The following ZNF615 variants were observed in gnomAD, a reference collection of about 807,000 sequenced individuals.
The protein encoded by ZNF615 is zinc finger protein 615.
ZNF615 carries 15 observed loss-of-function variants against 15.3 expected under a neutral mutation model. The observed-to-expected ratio is 0.98, with a 90% CI of 0.66 to 1.51. The LOEUF (loss-of-function observed/expected upper bound fraction) is 1.51. Ranked by LOEUF, ZNF615 falls within the 40% of genes most tolerant of loss-of-function variation. The pLI, the probability that ZNF615 is intolerant of heterozygous loss-of-function variation, is 0.00. For missense variants in ZNF615, 848 were observed against 895.9 expected (o/e 0.95, Z 0.68); for synonymous variants, 268 against 294.6 (o/e 0.91, Z 0.92).
chr19:51,994,199 A>G lies in ZNF615; in HGVS notation c.910T>C (p.Cys304Arg). ...CACTTCTTGATGAAGGCTTTCCCACATTGGCTACATGTGTAAGGTTTCCCT... is the reference window on the plus strand; with the variant it reads ...CACTTCTTGATGAAGGCTTTCCCACGTTGGCTACATGTGTAAGGTTTCCCT... ...MGGKPYTCSQ[C>R]GKAFIKKCRL... The change falls in exon 7 of 7, where the codon TGT (cysteine) becomes CGT (arginine). Residue 304 changes from cysteine to arginine, a missense_variant. Coordinates refer to ENST00000598071, the MANE Select transcript of ZNF615 (RefSeq NM_001199324.2). 1.2e-6 allele frequency: 2 copies of G among 1,614,002 alleles called. No homozygotes were observed. The highest frequency in any genetic ancestry group is 1.7e-6 in the Non-Finnish European group (2 of 1,180,028).
At chr19:52,005,798 G>C (rs2086736710) in intron 2 of ZNF615, among the ~76,000 whole-genome samples, 2 of 152,176 alleles carry the variant, frequency 1.3e-5, no homozygotes, top group African/African-American at 2.4e-5. Context: ...GGTCTAGAAT[G>C]TCACTCAGTA....
intron 6 of ZNF615, among the ~76,000 whole-genome samples, chr19:51,996,402 A>AAAAAAAAAAAAAAAAAAAAAAAAAAC (rs1555771241): frequency 1.5e-5 from 2 of 134,360 alleles, no homozygotes; most frequent in African/African-American, 2.8e-5. Context: ...AAAAAAAAAA[A>AAAAAAAAAAAAAAAAAAAAAAAAAAC]AAAAAACGCA....
At position 51,994,122 on chromosome 19, in the gene ZNF615, G is replaced by A; in HGVS notation, c.987C>T (p.Cys329=). The A allele has an allele frequency of 6.2e-7, 1 of 1,613,972 alleles. No homozygotes were observed. Residue 329 remains cysteine (C), a synonymous_variant, in exon 7 of 7, where the codon TGC becomes TGT. Transcript: ENST00000598071. ...RTHTGEKPHG[C]SVCGKAFSTK... The stretch of plus-strand genomic sequence containing the variant: ...TAGAGAAGGCCTTCCCACATACACT[G>A]CATCCATGGGGTTTCTCTCCTGTAT...
At chr19:52,000,955 G>A (rs1261603932) in intron 5 of ZNF615, among the ~76,000 whole-genome samples, 2 of 151,938 alleles carry the variant, frequency 1.3e-5, no homozygotes, top group African/African-American at 4.8e-5. Flanking sequence ...AGAAACTCAG[G>A]ATTCAGTATA....
intron 2 of ZNF615, among the ~76,000 whole-genome samples, chr19:52,005,983 C>A (rs911344838): frequency 2.6e-5 from 4 of 152,116 alleles, no homozygotes; most frequent in African/African-American, 4.8e-5. Flanking sequence ...AAGAGCAGAA[C>A]CTTTCTTGGG....
Position 51,992,007 on chromosome 19 carries a change from A to T in ZNF615, c.*873T>A, listed in dbSNP as rs1036687318. 4.6e-5 allele frequency: 7 copies of T among 151,686 alleles called. No homozygotes were observed. Among genetic ancestry groups the T allele is most frequent in the Non-Finnish European group, 1.0e-4 (7 of 67,866 alleles). 9.4% of individuals were successfully genotyped at this position (151,686 alleles called of 1,614,324 possible). A position where few individuals can be genotyped will look rare whatever the true frequency, so the allele number is the denominator to read the frequency against. ...ATTTATATTAATTTCATAACACCTG[A>T]TGTTACTTATAAACTTAAACATATT... On this transcript the variant is annotated 3_prime_UTR_variant, in exon 7 of 7. Coordinates refer to ENST00000598071, the MANE Select transcript of ZNF615 (RefSeq NM_001199324.2).
chr19:52,001,977 TACATTTTAAGG>T (rs2086610186), intron 4 of ZNF615, 69 bp from the exon 5 acceptor site: 2 of 1,601,912 alleles, frequency 1.2e-6, no homozygotes, highest in African/African-American at 2.7e-5. Context: ...AAAGGAGAGT[TACATTTTAAGG>T]ACTACATAGG....
At chr19:52,005,220 T>C (rs1398569593) in intron 2 of ZNF615, among the ~76,000 whole-genome samples, 2 of 151,988 alleles carry the variant, frequency 1.3e-5, no homozygotes, top group Admixed American at 6.6e-5. Context: ...GATTGTGCCA[T>C]TGCACTCCAG....
In ZNF615 at chr19:52,001,928, GA is replaced by G. The variant is rs750453877; in HGVS notation, c.143-21del. ...GATACCCTGTTCATGGGAAATGACA[GA>G]AGATTTAGACAAATCAAACGGGGCT... On this transcript the variant is annotated intron_variant, in intron 4 of 6. Coordinates refer to ENST00000598071, the MANE Select transcript of ZNF615 (RefSeq NM_001199324.2). 1 of 1,613,128 alleles carries G rather than the reference GA, an allele frequency of 6.2e-7. No homozygotes were observed. The highest frequency in any genetic ancestry group is 1.1e-5 in the South Asian group (1 of 91,076).
chr19:52,003,074 G>A (rs778840218), intron 3 of ZNF615, among the ~76,000 whole-genome samples: 9 of 151,910 alleles, frequency 5.9e-5, no homozygotes, highest in East Asian at 1.9e-4. Flanking sequence ...TGATCCACCC[G>A]CCTTGGCCTT....
intron 2 of ZNF615, among the ~76,000 whole-genome samples, chr19:52,006,011 T>C (rs550738702): frequency 6.6e-6 from 1 of 152,288 alleles, no homozygotes; most frequent in East Asian, 1.9e-4. Context: ...TAACATTCTA[T>C]TGAAAATTGC....
chr19:51,997,333 G>A (rs2086468633), intron 6 of ZNF615, among the ~76,000 whole-genome samples: 1 of 152,026 alleles, frequency 6.6e-6, no homozygotes, highest in African/African-American at 2.4e-5. Flanking sequence ...AAAAACAGAA[G>A]AATGTGAGAT....
At chr19:52,002,019 G>A in intron 4 of ZNF615, 111 bp from the exon 5 acceptor site, 12 of 1,601,324 alleles carry the variant, frequency 7.5e-6, no homozygotes, top group Admixed American at 3.3e-5. Flanking sequence ...GTAACAAGAA[G>A]GTAGATTATA....
In ZNF615 at chr19:51,993,116, A is replaced by G. The variant is rs774755371; in HGVS notation, c.1993T>C (p.Cys665Arg). ...AAAGAGAATTTTCCACATTCAGTAC[A>G]TGCAAAGGAAGTCTTTCCTGTGTGA... ...RFHTGKTSFA[C>R]TECGKFSLRK... is the part of the protein sequence containing the mutation. Residue 665 changes from cysteine to arginine, a missense_variant, in exon 7 of 7, where the codon TGT (cysteine) becomes CGT (arginine). Cys to Arg is a radical substitution (Grantham distance 180, BLOSUM62 -3). Coordinates refer to ENST00000598071, the MANE Select transcript of ZNF615 (RefSeq NM_001199324.2). The G allele has an allele frequency of 6.2e-6, 10 of 1,614,240 alleles. No individual in the cohort carries two copies. The highest frequency in any genetic ancestry group is 8.5e-6 in the Non-Finnish European group (10 of 1,180,040).
At chr19:52,003,359 A>G (rs1418561603) in intron 3 of ZNF615, among the ~76,000 whole-genome samples, 1 of 152,232 alleles carries the variant, frequency 6.6e-6, no homozygotes, top group Non-Finnish European at 1.5e-5. Flanking sequence ...TTTGAGCCTC[A>G]GAATTATAAG....
chr19:51,996,400 A>G (rs2086435132), intron 6 of ZNF615, among the ~76,000 whole-genome samples: 1 of 150,090 alleles, frequency 6.7e-6, no homozygotes, highest in Non-Finnish European at 1.5e-5. Flanking sequence ...AAAAAAAAAA[A>G]AAAAAAAACG....
rs572507225 is a variant in ZNF615, at chr19:51,998,641, T to C, written c.271+1705A>G. Among the ~76,000 whole-genome samples, 162 of 152,292 alleles carry C rather than the reference T, an allele frequency of 1.1e-3. 2 individuals are homozygous for C. Among genetic ancestry groups the C allele is most frequent in the Middle Eastern group, 6.8e-3 (2 of 294 alleles). On this transcript the variant is annotated intron_variant, in intron 6 of 6. Coordinates refer to ENST00000598071, the MANE Select transcript of ZNF615 (RefSeq NM_001199324.2). Reference sequence around the variant, plus strand: ...TACTGCTGATAGCGTTGGAATATAGTAGGCTATCAAAACACAAGTTTTGGG... The same window carrying C: ...TACTGCTGATAGCGTTGGAATATAGCAGGCTATCAAAACACAAGTTTTGGG...
chr19:52,003,578 G>C (rs1669761063), intron 3 of ZNF615, 119 bp downstream of exon 3: 1 of 908,888 alleles, frequency 1.1e-6, no homozygotes, highest in African/African-American at 1.7e-5. Flanking sequence ...TCTTTGCCCA[G>C]ATTTCTCCAG....
chr19:52,003,580 T>C (rs1418022751), intron 3 of ZNF615, 117 bp downstream of exon 3: 1 of 919,628 alleles, frequency 1.1e-6, no homozygotes, highest in African/African-American at 1.7e-5. Flanking sequence ...TTTGCCCAGA[T>C]TTCTCCAGGT....
Sources: gnomAD v4.1 joint callset for allele counts (sites outside exome capture counted in the v4.1 genomes callset) on GRCh38, gnomAD v4.1.1 for gene constraint, MANE v1.5 for transcripts, NCBI Gene and HGNC (gene_info 2026-07-23, HGNC 2026-07-21) for gene names.